GDPD5: variants seen among roughly 807,000 people sequenced by gnomAD.
GDPD5 encodes the protein glycerophosphodiester phosphodiesterase domain containing 5.
GDPD5 carries 48 observed loss-of-function variants against 75.1 expected under a neutral mutation model. The observed-to-expected ratio is 0.64, with a 90% confidence interval of 0.51 to 0.81. The LOEUF is 0.81. GDPD5 is among the 40% of genes least tolerant of loss of function. The pLI is 0.00. For synonymous variants in GDPD5, 336 were observed against 339.0 expected (o/e 0.99, Z 0.10); for missense variants, 706 against 822.6 (o/e 0.86, Z 1.73).
intron 2 of GDPD5, among the ~76,000 whole-genome samples, chr11:75,482,039 C>G (rs35439057): frequency 0.059 from 9,005 of 152,174 alleles, 338 homozygotes; most frequent in Middle Eastern, 0.11. Context: ...GGAGCCCGCC[C>G]CAGGTTCCCC....
intron 2 of GDPD5, among the ~76,000 whole-genome samples, chr11:75,481,107 A>G (rs1403875608): frequency 6.6e-6 from 1 of 152,176 alleles, no homozygotes; most frequent in African/African-American, 2.4e-5. Context: ...GAGGAAAGGG[A>G]GCCTGTGGGC....
At chr11:75,481,072 T>C (rs1460175489) in intron 2 of GDPD5, among the ~76,000 whole-genome samples, 1 of 152,102 alleles carries the variant, frequency 6.6e-6, no homozygotes, top group Non-Finnish European at 1.5e-5. Flanking sequence ...ACGAGCCTTA[T>C]GGTAAGTGCA....
chr11:75,523,795 C>G (rs1329791462), intron 1 of GDPD5, among the ~76,000 whole-genome samples: 1 of 152,254 alleles, frequency 6.6e-6, no homozygotes, highest in Admixed American at 6.5e-5. Flanking sequence ...CCCTCAGTCA[C>G]CTTGTCTTTT....
In GDPD5 at chr11:75,483,537, T is replaced by C. The variant is rs116401484; in HGVS notation, c.-60-5742A>G. Among the ~76,000 whole-genome samples the C allele has an allele frequency of 4.6e-3, 698 of 152,248 alleles. 5 individuals carry two copies. The highest frequency in any genetic ancestry group is 0.016 in the African/African-American group (675 of 41,540). ...CTGCTCTCAGCTCCTTTTCTGATCA[T>C]GAAGTGCCTGGATTCTAGCCTGGTC... On this transcript the variant is annotated intron_variant, in intron 2 of 16. Transcript: ENST00000336898.
chr11:75,475,386 C>A (rs970855103), intron 3 of GDPD5, among the ~76,000 whole-genome samples: 9 of 152,202 alleles, frequency 5.9e-5, no homozygotes, highest in Admixed American at 5.9e-4. Context: ...CCTCTCCCTA[C>A]CAGCCCCCGC....
chr11:75,501,595 A>C (rs1041175535), intron 1 of GDPD5, among the ~76,000 whole-genome samples: 2 of 152,216 alleles, frequency 1.3e-5, no homozygotes, highest in Admixed American at 6.5e-5. Context: ...TCGGGGCTCC[A>C]GAGCAGGGGC....
At chr11:75,505,266 C>T (rs933594496) in intron 1 of GDPD5, among the ~76,000 whole-genome samples, 3 of 152,158 alleles carry the variant, frequency 2.0e-5, no homozygotes, top group African/African-American at 7.2e-5. Flanking sequence ...ACAGATGGGC[C>T]TGGGGCACCA....
intron 2 of GDPD5, among the ~76,000 whole-genome samples, chr11:75,480,537 T>C (rs1428877319): frequency 2.6e-5 from 4 of 152,294 alleles, no homozygotes; most frequent in South Asian, 2.1e-4. Context: ...GTTTAACCTT[T>C]TGAGGAACTG....
chr11:75,511,601 G>A (rs755342613), intron 1 of GDPD5, among the ~76,000 whole-genome samples: 9 of 152,118 alleles, frequency 5.9e-5, no homozygotes, highest in East Asian at 1.9e-4. Context: ...TAGATAGTGC[G>A]CCTGGGTCCA....
rs1949444147 is a variant in GDPD5, at chr11:75,462,877, A to T, written c.130T>A (p.Trp44Arg). 6.2e-7 allele frequency: 1 copy of T among 1,613,802 alleles called. No individual in the cohort carries two copies. The highest frequency in any genetic ancestry group is 1.7e-5 in the Admixed American group (1 of 59,994). The change falls in exon 4 of 17, where the codon TGG becomes AGG. Residue 44 changes from tryptophan to arginine, a missense_variant. Physicochemically the swap from Trp to Arg is moderately radical, Grantham distance 101. Coordinates refer to ENST00000336898, the MANE Select transcript of GDPD5 (RefSeq NM_030792.8). ...HDDTTPWERL[W>R]FLLLTFTFGL... Reference sequence around the variant, plus strand: ...AAGGTGAAGGTGAGGAGCAGGAACCAGAGGCGCTCCCACTGGAAGAGCAGA... The same window carrying T: ...AAGGTGAAGGTGAGGAGCAGGAACCTGAGGCGCTCCCACTGGAAGAGCAGA...
intron 1 of GDPD5, among the ~76,000 whole-genome samples, chr11:75,493,432 C>T (rs1950150456): frequency 6.6e-6 from 1 of 151,812 alleles, no homozygotes; most frequent in African/African-American, 2.4e-5. Context: ...CACTATGCTG[C>T]CCAGGCTGGA....
At chr11:75,464,401 C>T (rs958466384) in intron 3 of GDPD5, among the ~76,000 whole-genome samples, 2 of 152,212 alleles carry the variant, frequency 1.3e-5, no homozygotes, top group Non-Finnish European at 2.9e-5. Context: ...TCTGTGACAT[C>T]CTCTGCCTCT....
chr11:75,524,082 G>A (rs1319758980), intron 1 of GDPD5, among the ~76,000 whole-genome samples: 6 of 152,240 alleles, frequency 3.9e-5, no homozygotes, highest in African/African-American at 1.4e-4. Flanking sequence ...GGCAGCAGAA[G>A]CATCCCCTGC....
intron 13 of GDPD5, 101 bp downstream of exon 13, chr11:75,441,539 CGACCGT>C: frequency 8.3e-7 from 1 of 1,200,474 alleles, no homozygotes; most frequent in Non-Finnish European, 1.1e-6. Flanking sequence ...TCCCTCTGCC[CGACCGT>C]GTGTGTGTGT....
chr11:75,446,054 G>C (rs1490140487), intron 9 of GDPD5, among the ~76,000 whole-genome samples: 2 of 152,238 alleles, frequency 1.3e-5, no homozygotes, highest in Non-Finnish European at 2.9e-5. Context: ...GGCATGGAGA[G>C]AGAGGCAAGG....
chr11:75,502,915 G>A (rs1209801678), intron 1 of GDPD5, among the ~76,000 whole-genome samples: 5 of 152,320 alleles, frequency 3.3e-5, no homozygotes, highest in South Asian at 2.1e-4. Flanking sequence ...CACTCTAGAC[G>A]CCACCTGACA....
intron 2 of GDPD5, among the ~76,000 whole-genome samples, chr11:75,480,636 C>A (rs1047300926): frequency 6.6e-6 from 1 of 152,168 alleles, no homozygotes; most frequent in African/African-American, 2.4e-5. Context: ...CTCTGAAGCA[C>A]AGAGAGGTTG....
intron 1 of GDPD5, among the ~76,000 whole-genome samples, chr11:75,507,910 C>A (rs1270657579): frequency 1.3e-5 from 2 of 152,176 alleles, no homozygotes; most frequent in Non-Finnish European, 2.9e-5. Flanking sequence ...CCTTGACCCG[C>A]ACTCTGGGCC....
intron 1 of GDPD5, among the ~76,000 whole-genome samples, chr11:75,522,774 G>A (rs568633140): frequency 4.6e-5 from 7 of 152,144 alleles, no homozygotes; most frequent in African/African-American, 1.7e-4. Flanking sequence ...CCTGCCCCCA[G>A]CTGAGGGGAG....
Sources: allele counts gnomAD v4.1 joint callset (sites outside exome capture counted in the v4.1 genomes callset), GRCh38; gene constraint gnomAD v4.1.1; transcripts MANE v1.5; gene names NCBI Gene and HGNC (gene_info 2026-07-23, HGNC 2026-07-21).